DOCK1: variants seen among roughly 807,000 people sequenced by gnomAD.
DOCK1 encodes the protein dedicator of cytokinesis 1, also known as dedicator of cytokinesis protein 1.
A neutral mutation model predicts 262.7 loss-of-function variants in DOCK1; 138 were observed. The observed-to-expected ratio is 0.53, with a 90% CI of 0.46 to 0.61. The LOEUF is 0.61. DOCK1 is among the 20% of genes least tolerant of loss of function. The pLI is 0.00. For synonymous variants in DOCK1, 866 were observed against 867.4 expected (o/e 1.00, Z 0.03); for missense variants, 1,908 against 2,370.7 (o/e 0.80, Z 4.05).
intron 10 of DOCK1, among the ~76,000 whole-genome samples, chr10:127,005,168 C>T (rs1046581541): frequency 6.6e-6 from 1 of 151,934 alleles, no homozygotes; most frequent in Admixed American, 6.6e-5. Flanking sequence ...GAAACCCCAT[C>T]CCTACCCAAA....
chr10:127,019,051 C>T, intron 13 of DOCK1: 3 of 630,600 alleles, frequency 4.8e-6, no homozygotes, highest in Non-Finnish European at 5.2e-6. Flanking sequence ...GATGGATCAG[C>T]TCTCCCCAGC....
At chr10:127,233,638 C>A (rs1381171352) in intron 27 of DOCK1, among the ~76,000 whole-genome samples, 1 of 152,178 alleles carries the variant, frequency 6.6e-6, no homozygotes, top group Non-Finnish European at 1.5e-5. Flanking sequence ...TCAGAGCACT[C>A]CCAATAGAAT....
At chr10:126,925,961 G>A (rs886795335) in intron 1 of DOCK1, among the ~76,000 whole-genome samples, 8 of 152,078 alleles carry the variant, frequency 5.3e-5, no homozygotes, top group East Asian at 1.9e-4. Context: ...AACTGAACCC[G>A]TGAGGGAGGT....
chr10:127,034,897 G>T (rs2043489169), intron 18 of DOCK1, among the ~76,000 whole-genome samples: 3 of 152,220 alleles, frequency 2.0e-5, no homozygotes, highest in Admixed American at 2.0e-4. Context: ...ATCCCCCCGG[G>T]GGGTGGGGTC....
At chr10:127,365,888 C>T (rs191829835) in intron 33 of DOCK1, among the ~76,000 whole-genome samples, 22 of 152,310 alleles carry the variant, frequency 1.4e-4, no homozygotes, top group African/African-American at 4.6e-4. Flanking sequence ...TTTTAAACAC[C>T]GCCTTCCCAT....
intron 27 of DOCK1, among the ~76,000 whole-genome samples, chr10:127,164,425 C>T (rs1422187168): frequency 3.3e-5 from 5 of 152,072 alleles, no homozygotes; most frequent in African/African-American, 1.2e-4. Flanking sequence ...TCAGGTGATC[C>T]ACCCGCCTCG....
chr10:127,424,300 C>T (rs2068686399), intron 46 of DOCK1, among the ~76,000 whole-genome samples: 1 of 152,180 alleles, frequency 6.6e-6, no homozygotes, highest in African/African-American at 2.4e-5. Context: ...TCGAGCAGCA[C>T]AAGCGTCCTA....
chr10:127,416,619 A>C (rs978479894), intron 44 of DOCK1, among the ~76,000 whole-genome samples: 1 of 152,150 alleles, frequency 6.6e-6, no homozygotes, highest in Non-Finnish European at 1.5e-5. Context: ...CCAAACCCTG[A>C]TGCCCTCCTC....
At chr10:126,990,363 C>A (rs1236114410) in intron 5 of DOCK1, 92 bp from the exon 6 acceptor site, 44 of 1,298,594 alleles carry the variant, frequency 3.4e-5, no homozygotes, top group Non-Finnish European at 4.6e-5. Context: ...GTGCTTATAC[C>A]TCATGCGTAT....
At chr10:126,940,082 G>T (rs1029951173) in intron 1 of DOCK1, among the ~76,000 whole-genome samples, 18 of 152,134 alleles carry the variant, frequency 1.2e-4, no homozygotes, top group African/African-American at 4.3e-4. Context: ...CAACCTTTGA[G>T]AATTGTTTTT....
intron 29 of DOCK1, among the ~76,000 whole-genome samples, chr10:127,285,027 A>C (rs942972927): frequency 2.0e-5 from 3 of 151,632 alleles, no homozygotes; most frequent in Admixed American, 1.3e-4. Flanking sequence ...AATCCCAGCT[A>C]CTCTGGAGGG....
At chr10:126,913,479 A>C (rs889110364) in intron 1 of DOCK1, among the ~76,000 whole-genome samples, 1 of 152,008 alleles carries the variant, frequency 6.6e-6, no homozygotes, top group East Asian at 1.9e-4. Flanking sequence ...TCTGTCCTCC[A>C]CTCGCACCTT....
At chr10:127,074,270 G>A (rs1427621808) in intron 23 of DOCK1, among the ~76,000 whole-genome samples, 1 of 152,182 alleles carries the variant, frequency 6.6e-6, no homozygotes, top group African/African-American at 2.4e-5. Context: ...GAATTAGGAG[G>A]TTAGAAAGTC....
chr10:127,361,375 A>C (rs979380928), intron 32 of DOCK1, among the ~76,000 whole-genome samples: 3 of 152,046 alleles, frequency 2.0e-5, no homozygotes, highest in African/African-American at 4.8e-5. Context: ...TGGCCTCCCA[A>C]AGTGCTGGGA....
Position 127,031,641 on chromosome 10 carries a change from G to A in DOCK1, c.1625-9G>A. On this transcript the variant is annotated splice_polypyrimidine_tract_variant and intron_variant, in intron 16 of 51. Coordinates refer to ENST00000623213, the MANE Select transcript of DOCK1 (RefSeq NM_001290223.2). ...GCAATCATCAATTTTTTTGTTTTTTGTTTTACAGCTAAGGATAAATCTGAG... is the reference window on the plus strand; with the variant it reads ...GCAATCATCAATTTTTTTGTTTTTTATTTTACAGCTAAGGATAAATCTGAG... 1.3e-6 allele frequency: 2 copies of A among 1,590,012 alleles called. No homozygotes were observed. The highest frequency in any genetic ancestry group is 1.7e-6 in the Non-Finnish European group (2 of 1,172,922).
At chr10:127,135,471 C>G (rs1592156240) in intron 27 of DOCK1, 1 of 152,710 alleles carries the variant, frequency 6.5e-6, no homozygotes, top group Admixed American at 6.5e-5. Context: ...AAGAACTTAA[C>G]GACAAGTATA....
At chr10:127,400,209 C>T (rs1381818032) in intron 38 of DOCK1, among the ~76,000 whole-genome samples, 1 of 149,578 alleles carries the variant, frequency 6.7e-6, no homozygotes, top group Non-Finnish European at 1.5e-5. Flanking sequence ...CAGATGGTTT[C>T]TTTACGTCGT....
intron 27 of DOCK1, among the ~76,000 whole-genome samples, chr10:127,238,115 A>T (rs940577992): frequency 6.6e-6 from 1 of 152,198 alleles, no homozygotes; most frequent in East Asian, 1.9e-4. Flanking sequence ...GAATATTATG[A>T]TGCCTATGAA....
intron 12 of DOCK1, among the ~76,000 whole-genome samples, chr10:127,017,035 C>CACACACA (rs2041984489): frequency 9.2e-6 from 1 of 108,400 alleles, no homozygotes; most frequent in Non-Finnish European, 2.0e-5. Flanking sequence ...GATACAGATA[C>CACACACA]CACACACACA....
Sources: allele counts gnomAD v4.1 joint callset (sites outside exome capture counted in the v4.1 genomes callset), GRCh38; gene constraint gnomAD v4.1.1; transcripts MANE v1.5; gene names NCBI Gene and HGNC (gene_info 2026-07-23, HGNC 2026-07-21).